Variants in COPG2 observed in about 807,000 individuals in gnomAD.
The protein encoded by COPG2 is coatomer subunit gamma-2.
COPG2 carries 37 observed loss-of-function variants against 46.3 expected under a neutral mutation model. The observed-to-expected ratio is 0.80, with a 90% confidence interval of 0.61 to 1.05. The LOEUF (loss-of-function observed/expected upper bound fraction) is 1.05, where lower values mean the gene tolerates loss of function less well. COPG2 is among the 50% of genes least tolerant of loss of function. The probability of loss-of-function intolerance (pLI) is 0.00; values close to 1 mark genes in which losing one functional copy is unlikely to be tolerated. For missense variants in COPG2, 427 were observed against 387.8 expected, an observed-to-expected ratio of 1.10 and a Z score of -0.85; for synonymous variants, 159 against 129.7, an observed-to-expected ratio of 1.23 and a Z score of -1.53.
intron 9 of COPG2, among the ~76,000 whole-genome samples, chr7:130,596,801 T>C (rs1794536302): frequency 6.6e-6 from 1 of 152,238 alleles, no homozygotes; most frequent in Non-Finnish European, 1.5e-5. Flanking sequence ...ATTTTGTAAA[T>C]GCTGGAACTA....
chr7:130,587,031 G>A (rs1356882407), intron 9 of COPG2, among the ~76,000 whole-genome samples: 1 of 151,880 alleles, frequency 6.6e-6, no homozygotes, highest in East Asian at 1.9e-4. Context: ...ATTCAGCTGG[G>A]CGTGGTGGCT....
intron 21 of COPG2, 51 bp downstream of exon 21, chr7:130,508,509 TCA>T (rs1300429259): frequency 1.4e-6 from 1 of 720,360 alleles, no homozygotes; most frequent in Non-Finnish European, 2.6e-6. Flanking sequence ...AAGGCAGAAG[TCA>T]CTTAGTGTTG....
intron 3 of COPG2, among the ~76,000 whole-genome samples, chr7:130,665,577 T>G (rs761216566): frequency 6.6e-6 from 1 of 152,136 alleles, no homozygotes; most frequent in Admixed American, 6.5e-5. Context: ...AGCACTAACA[T>G]TGCACCAGGT....
intron 9 of COPG2, among the ~76,000 whole-genome samples, chr7:130,597,285 G>C (rs925911748): frequency 6.6e-6 from 1 of 152,226 alleles, no homozygotes; most frequent in Non-Finnish European, 1.5e-5. Flanking sequence ...GGTGGCCAGT[G>C]GGGGTGCTGG....
chr7:130,551,043 T>C (rs1047478078), intron 16 of COPG2, among the ~76,000 whole-genome samples, 198 bp downstream of exon 16: 3 of 152,174 alleles, frequency 2.0e-5, no homozygotes, highest in Non-Finnish European at 4.4e-5. Context: ...ATCTATATTC[T>C]TATAGATTGC....
intron 5 of COPG2, among the ~76,000 whole-genome samples, chr7:130,627,186 C>T (rs1050497770): frequency 3.2e-4 from 49 of 152,174 alleles, no homozygotes; most frequent in African/African-American, 1.2e-3. Flanking sequence ...TCCCCACTAA[C>T]TTTTTAGTAT....
chr7:130,635,529 T>C (rs1190672726), intron 5 of COPG2, among the ~76,000 whole-genome samples: 1 of 145,684 alleles, frequency 6.9e-6, no homozygotes, highest in Admixed American at 6.7e-5. Context: ...TTATGGTAGT[T>C]TGTATTTCTG....
intron 9 of COPG2, among the ~76,000 whole-genome samples, chr7:130,579,689 G>T (rs1479213085): frequency 1.3e-5 from 2 of 150,688 alleles, no homozygotes; most frequent in Non-Finnish European, 3.0e-5. Flanking sequence ...AAAAGGCAGG[G>T]GTTGCAATCC....
At chr7:130,633,545 A>G (rs1163647012) in intron 5 of COPG2, among the ~76,000 whole-genome samples, 2 of 152,150 alleles carry the variant, frequency 1.3e-5, no homozygotes, top group East Asian at 3.8e-4. Flanking sequence ...GTGTCTGTTC[A>G]TATCCTTCAC....
Position 130,507,722 on chromosome 7 carries a change from C to T in COPG2, c.2349G>A (p.Glu783=), listed in dbSNP as rs782785313. The T allele has an allele frequency of 3.1e-5, 24 of 780,318 alleles. No homozygotes were observed. The highest frequency in any genetic ancestry group is 5.3e-5 in the Non-Finnish European group (22 of 417,874). 48.3% of individuals were successfully genotyped at this position (780,318 alleles called of 1,614,324 possible). A position where few individuals can be genotyped will look rare whatever the true frequency, so the allele number is the denominator to read the frequency against. The part of the protein sequence containing the change: ...WEEVGDTFEK[E]ETFALSSTKT... ...TGGTAGAACTGAGGGCAAAGGTTTC[C>T]TCTTTCTCAAAGGTATCTCCCACCT... Residue 783 remains glutamate (E), a synonymous_variant, in exon 22 of 24, where the codon GAG becomes GAA. Coordinates refer to ENST00000425248, the MANE Select transcript of COPG2 (RefSeq NM_012133.6).
intron 9 of COPG2, among the ~76,000 whole-genome samples, chr7:130,566,693 C>T (rs1272735180): frequency 2.0e-5 from 3 of 151,990 alleles, no homozygotes; most frequent in Admixed American, 6.6e-5. Context: ...GCTTGCTGCC[C>T]GGGAGGATGT....
At chr7:130,619,863 G>A (rs1249633744) in intron 5 of COPG2, among the ~76,000 whole-genome samples, 1 of 152,136 alleles carries the variant, frequency 6.6e-6, no homozygotes, top group Non-Finnish European at 1.5e-5. Context: ...TGCAGATACT[G>A]TCCCCATTCT....
At chr7:130,540,191 T>C (rs1435266867) in intron 20 of COPG2, among the ~76,000 whole-genome samples, 4 of 152,066 alleles carry the variant, frequency 2.6e-5, no homozygotes, top group Admixed American at 6.5e-5. Flanking sequence ...GAGGAAACTT[T>C]CTTATTTAAC....
intron 5 of COPG2, among the ~76,000 whole-genome samples, chr7:130,624,760 G>A (rs1795089980): frequency 6.6e-6 from 1 of 152,082 alleles, no homozygotes; most frequent in South Asian, 2.1e-4. Context: ...TCCTTTTTAT[G>A]GCTGTATTCC....
intron 9 of COPG2, among the ~76,000 whole-genome samples, chr7:130,576,567 T>C (rs1031410237): frequency 1.6e-4 from 25 of 152,170 alleles, no homozygotes; most frequent in African/African-American, 5.5e-4. Context: ...GCAAAGGCAG[T>C]GCTAAGAGGA....
Position 130,616,987 on chromosome 7 carries a change from T to G in COPG2, c.399+3A>C. ...TGGTAACTCAGTGAAACAGATAACTTACATCGGTGATCCTGCAGAGAGCTC... is the reference window on the plus strand; with the variant it reads ...TGGTAACTCAGTGAAACAGATAACTGACATCGGTGATCCTGCAGAGAGCTC... On this transcript the variant is annotated splice_donor_region_variant and intron_variant, in intron 6 of 23. Coordinates refer to ENST00000425248, the MANE Select transcript of COPG2 (RefSeq NM_012133.6). 1 of 1,600,004 alleles carries G rather than the reference T, an allele frequency of 6.2e-7. No homozygotes were observed. Among genetic ancestry groups the G allele is most frequent in the African/African-American group, 1.3e-5 (1 of 74,624 alleles).
At chr7:130,518,519 T>C (rs950172545) in intron 20 of COPG2, among the ~76,000 whole-genome samples, 1 of 152,136 alleles carries the variant, frequency 6.6e-6, no homozygotes, top group Admixed American at 6.5e-5. Flanking sequence ...CTCAAGAGTA[T>C]ACCTTGAGAA....
At chr7:130,604,811 T>G (rs1554450987) in intron 9 of COPG2, 1 of 480,588 alleles carries the variant, frequency 2.1e-6, no homozygotes, top group Non-Finnish European at 4.1e-6. Context: ...GGAGTTTTTT[T>G]GTACTGTTGT....
intron 5 of COPG2, among the ~76,000 whole-genome samples, chr7:130,639,894 C>T (rs1236209977): frequency 6.6e-6 from 1 of 152,010 alleles, no homozygotes; most frequent in Non-Finnish European, 1.5e-5. Flanking sequence ...AGTGGGCCCA[C>T]CTTCATGATG....
Sources: gnomAD v4.1 joint callset for allele counts (sites outside exome capture counted in the v4.1 genomes callset) on GRCh38, gnomAD v4.1.1 for gene constraint, MANE v1.5 for transcripts, NCBI Gene and HGNC (gene_info 2026-07-23, HGNC 2026-07-21) for gene names.